CSRNP3: variants seen among roughly 807,000 people sequenced by gnomAD.
CSRNP3 encodes the protein cysteine/serine-rich nuclear protein 3.
In CSRNP3, 12 loss-of-function variants were observed where a neutral mutation model predicts 48.0. The observed-to-expected ratio is 0.25, with a 90% CI of 0.16 to 0.41. CSRNP3 has a LOEUF of 0.41. Ranked by LOEUF, CSRNP3 falls within the 10% of genes least tolerant of loss-of-function variation. The pLI is 1.00. For missense variants in CSRNP3, 580 were observed against 724.4 expected, an observed-to-expected ratio of 0.80 and a Z score of 2.29; for synonymous variants, 263 against 269.7, an observed-to-expected ratio of 0.98 and a Z score of 0.24.
At chr2:165,658,332 G>C (rs1311891759) in intron 5 of CSRNP3, among the ~76,000 whole-genome samples, 3 of 152,084 alleles carry the variant, frequency 2.0e-5, no homozygotes, top group African/African-American at 4.8e-5. Flanking sequence ...GGAACTTATA[G>C]AATAGTAGAA....
intron 3 of CSRNP3, among the ~76,000 whole-genome samples, chr2:165,534,868 G>C (rs1446574105): frequency 6.6e-6 from 1 of 151,534 alleles, no homozygotes; most frequent in East Asian, 1.9e-4. Flanking sequence ...GGATTATAGT[G>C]GGTTTCTTAT....
chr2:165,559,328 G>T (rs1375013938), intron 3 of CSRNP3, among the ~76,000 whole-genome samples: 1 of 152,144 alleles, frequency 6.6e-6, no homozygotes, highest in Non-Finnish European at 1.5e-5. Flanking sequence ...ACTGCTGAAA[G>T]TGTCCCCTTT....
At chr2:165,655,400 G>A (rs1686986187) in intron 4 of CSRNP3, among the ~76,000 whole-genome samples, 1 of 152,176 alleles carries the variant, frequency 6.6e-6, no homozygotes, top group South Asian at 2.1e-4. Context: ...TGGGACATGA[G>A]TAATATCAAC....
chr2:165,566,161 G>A (rs1038708424), intron 3 of CSRNP3, among the ~76,000 whole-genome samples: 6 of 151,870 alleles, frequency 4.0e-5, no homozygotes, highest in Non-Finnish European at 8.8e-5. Context: ...CAGACTCTAA[G>A]ATGCGTTTCA....
intron 2 of CSRNP3, among the ~76,000 whole-genome samples, chr2:165,513,883 T>G (rs1258460247): frequency 1.3e-5 from 2 of 152,206 alleles, no homozygotes; most frequent in African/African-American, 4.8e-5. Context: ...CCATCAGCAT[T>G]GCAATATTGA....
At chr2:165,564,620 C>G (rs1315473798) in intron 3 of CSRNP3, among the ~76,000 whole-genome samples, 2 of 151,666 alleles carry the variant, frequency 1.3e-5, no homozygotes, top group African/African-American at 4.8e-5. Context: ...TTTTCTATAC[C>G]TATTAGGTGT....
chr2:165,629,353 A>C (rs1272124720), intron 4 of CSRNP3, among the ~76,000 whole-genome samples: 2 of 152,188 alleles, frequency 1.3e-5, no homozygotes, highest in Non-Finnish European at 2.9e-5. Context: ...CTCATTATAT[A>C]GTATTCAACA....
chr2:165,606,474 T>C (rs1335333139), intron 4 of CSRNP3, among the ~76,000 whole-genome samples: 1 of 150,660 alleles, frequency 6.6e-6, no homozygotes, highest in African/African-American at 2.4e-5. Flanking sequence ...ACCAGGGAAA[T>C]TAAAATTGAA....
intron 3 of CSRNP3, among the ~76,000 whole-genome samples, chr2:165,579,998 G>C (rs906841984): frequency 6.5e-5 from 9 of 137,558 alleles, no homozygotes; most frequent in Non-Finnish European, 9.1e-5. Flanking sequence ...GCGTAATCTC[G>C]GCTCACCGCA....
chr2:165,665,272 T>G (rs1265011410), intron 5 of CSRNP3, among the ~76,000 whole-genome samples: 1 of 152,200 alleles, frequency 6.6e-6, no homozygotes, highest in Non-Finnish European at 1.5e-5. Flanking sequence ...CTGGCCTCCT[T>G]GTTGGTACAA....
intron 4 of CSRNP3, among the ~76,000 whole-genome samples, chr2:165,597,567 GA>G (rs1323675558): frequency 1.3e-5 from 2 of 151,798 alleles, no homozygotes; most frequent in African/African-American, 4.8e-5. Flanking sequence ...TTTGATATGA[GA>G]AGAAGAAATA....
intron 1 of CSRNP3, among the ~76,000 whole-genome samples, chr2:165,474,615 T>C (rs1240156970): frequency 6.6e-6 from 1 of 152,224 alleles, no homozygotes; most frequent in African/African-American, 2.4e-5. Flanking sequence ...AATGATCATA[T>C]TTAGTGGGAA....
chr2:165,661,868 T>A (rs17265654), intron 5 of CSRNP3, among the ~76,000 whole-genome samples: 37,060 of 152,028 alleles, frequency 0.24, 5,374 homozygotes, highest in Non-Finnish European at 0.32. Context: ...TAGTACACCA[T>A]GGGAAACTCA....
intron 1 of CSRNP3, among the ~76,000 whole-genome samples, chr2:165,477,328 G>A (rs1683974764): frequency 6.6e-6 from 1 of 151,280 alleles, no homozygotes; most frequent in Admixed American, 6.6e-5. Context: ...GTAATATTAA[G>A]AAATTGTAGG....
At chr2:165,672,687 TA>T (rs2105360246) in intron 5 of CSRNP3, among the ~76,000 whole-genome samples, 1 of 152,324 alleles carries the variant, frequency 6.6e-6, no homozygotes, top group South Asian at 2.1e-4. Context: ...TTATTCACAC[TA>T]GCTCTTGAGA....
At chr2:165,650,006 T>C (rs1167333820) in intron 4 of CSRNP3, among the ~76,000 whole-genome samples, 1 of 152,152 alleles carries the variant, frequency 6.6e-6, no homozygotes, top group Admixed American at 6.5e-5. Flanking sequence ...GAATGTAAAA[T>C]AACAGATCAG....
At chr2:165,515,430 A>G (rs1486403092) in intron 2 of CSRNP3, among the ~76,000 whole-genome samples, 2 of 151,462 alleles carry the variant, frequency 1.3e-5, no homozygotes, top group African/African-American at 4.8e-5. Context: ...CTAAAGAAAG[A>G]CTTTTATTTA....
intron 1 of CSRNP3, among the ~76,000 whole-genome samples, chr2:165,492,825 G>T (rs568889502): frequency 2.0e-4 from 30 of 147,836 alleles, no homozygotes; most frequent in African/African-American, 6.7e-4. Context: ...CATAATAAAA[G>T]CTCAGTAGAT....
intron 3 of CSRNP3, among the ~76,000 whole-genome samples, chr2:165,561,844 G>C (rs1685236558): frequency 6.6e-6 from 1 of 151,940 alleles, no homozygotes; most frequent in South Asian, 2.1e-4. Flanking sequence ...AACTGGGATG[G>C]GCAGGGGATT....
Sources: allele counts gnomAD v4.1 joint callset (sites outside exome capture counted in the v4.1 genomes callset), GRCh38; gene constraint gnomAD v4.1.1; transcripts MANE v1.5; gene names NCBI Gene and HGNC (gene_info 2026-07-23, HGNC 2026-07-21).